The following ANKS1B variants were observed in gnomAD, a reference collection of about 807,000 sequenced individuals.
ANKS1B encodes ankyrin repeat and sterile alpha motif domain-containing protein 1B.
Under a neutral mutation model 148.3 loss-of-function variants are expected in ANKS1B, and 36 were observed. The ratio of observed to expected loss-of-function variants is 0.24; its 90% CI spans 0.19 to 0.32. The LOEUF is 0.32. Among genes scored for constraint, ANKS1B ranks in the 10% least tolerant of loss-of-function variants. The pLI is 1.00. For synonymous variants in ANKS1B, 542 were observed against 560.8 expected (o/e 0.97, Z 0.47); for missense variants, 1,157 against 1,542.6 (o/e 0.75, Z 4.19).
intron 1 of ANKS1B, among the ~76,000 whole-genome samples, chr12:99,940,027 A>G (rs1421719335): frequency 6.6e-6 from 1 of 152,232 alleles, no homozygotes; most frequent in Non-Finnish European, 1.5e-5. Flanking sequence ...ATTTAGGTAG[A>G]CAAAATATTC....
rs1463410 is a variant in ANKS1B at position 98,942,535 on chromosome 12, C to T, written c.2779-110399G>A. ...CCTCCTGCCAAGTCTAGGTTAGGTT[C>T]CCCTCAGCAGAATGTCCTTCTCTGT... is the stretch of plus-strand genomic sequence containing the variant. On this transcript the variant is annotated intron_variant, in intron 17 of 26. Transcript: ENST00000683438. Among the ~76,000 whole-genome samples the T allele has an allele frequency of 2.6e-3, 392 of 152,308 alleles. 2 individuals are homozygous for T. Among genetic ancestry groups the T allele is most frequent in the African/African-American group, 8.9e-3 (370 of 41,574 alleles).
At chr12:99,801,545 G>C (rs2066952493) in intron 4 of ANKS1B, among the ~76,000 whole-genome samples, 2 of 152,130 alleles carry the variant, frequency 1.3e-5, no homozygotes, top group Non-Finnish European at 2.9e-5. Context: ...AGTTAGAGTG[G>C]CCTCAAGAGA....
intron 1 of ANKS1B, among the ~76,000 whole-genome samples, chr12:99,865,556 A>G (rs916219232): frequency 2.0e-5 from 3 of 152,214 alleles, no homozygotes; most frequent in African/African-American, 4.8e-5. Flanking sequence ...ACTAGAAGCC[A>G]AGTAAAAGCT....
intron 12 of ANKS1B, among the ~76,000 whole-genome samples, chr12:99,379,106 C>T (rs191827959): frequency 1.3e-5 from 2 of 152,054 alleles, no homozygotes; most frequent in African/African-American, 2.4e-5. Flanking sequence ...TGCAAAAGGA[C>T]CTAACTTAAT....
intron 9 of ANKS1B, among the ~76,000 whole-genome samples, chr12:99,550,478 G>A (rs2097207790): frequency 6.6e-6 from 1 of 152,040 alleles, no homozygotes; most frequent in African/African-American, 2.4e-5. Context: ...ATACAAGTTA[G>A]CTGGGCATGG....
At chr12:98,863,360 T>C (rs928806877) in intron 17 of ANKS1B, among the ~76,000 whole-genome samples, 9 of 152,170 alleles carry the variant, frequency 5.9e-5, no homozygotes, top group African/African-American at 2.2e-4. Flanking sequence ...AGGCAATGAA[T>C]GGGAGACGCC....
rs543841769 is a variant in ANKS1B, at chr12:99,169,237, A to C, written c.2420-14842T>G. Among the ~76,000 whole-genome samples, 210 of 152,320 alleles carry C rather than the reference A, an allele frequency of 1.4e-3. 2 individuals are homozygous for C. The highest frequency in any genetic ancestry group is 4.9e-3 in the African/African-American group (205 of 41,576). On this transcript the variant is annotated intron_variant, in intron 14 of 26. Transcript: ENST00000683438. ...ATGAGAGAAATTAAAACTTAGAGAC[A>C]TGACTTCCTATTGTGACCACATAGA... is the stretch of plus-strand genomic sequence containing the variant.
chr12:99,162,681 T>C (rs1185267517), intron 14 of ANKS1B, among the ~76,000 whole-genome samples: 1 of 152,148 alleles, frequency 6.6e-6, no homozygotes, highest in Non-Finnish European at 1.5e-5. Context: ...TATACGTATA[T>C]GGGAGAGTAT....
At chr12:98,742,864 G>T (rs2097812288), downstream of ANKS1B, among the ~76,000 whole-genome samples, 1 of 152,324 alleles carries the variant, frequency 6.6e-6, no homozygotes. Flanking sequence ...CTGGAATATG[G>T]GGTGGGCCAG....
At chr12:99,388,411 T>C (rs1183076184) in intron 12 of ANKS1B, among the ~76,000 whole-genome samples, 1 of 152,118 alleles carries the variant, frequency 6.6e-6, no homozygotes, top group African/African-American at 2.4e-5. Context: ...AAGGTGACAG[T>C]TTTAAAATCC....
chr12:99,609,503 T>C lies in ANKS1B; in HGVS notation c.1272+45564A>G, dbSNP rs1019710588. Among the ~76,000 whole-genome samples, 120 of 150,766 alleles carry C rather than the reference T, an allele frequency of 8.0e-4. 4 individuals carry two copies. The highest frequency in any genetic ancestry group is 1.8e-4 in the Non-Finnish European group (12 of 67,820). On this transcript the variant is annotated intron_variant, in intron 9 of 26. Coordinates refer to ENST00000683438, the MANE Select transcript of ANKS1B (RefSeq NM_001352186.2). ...TTGCTACCACAGGACCAAGCAATGA[T>C]GGTGGAGATGACAAAAGCCCCTTTG...
At chr12:99,720,381 CTTCT>C (rs1467958245) in intron 8 of ANKS1B, among the ~76,000 whole-genome samples, 1 of 152,196 alleles carries the variant, frequency 6.6e-6, no homozygotes, top group African/African-American at 2.4e-5. Context: ...CATTTCTTTC[CTTCT>C]GTCAGACATA....
At chr12:99,632,861 T>C (rs2098185246) in intron 9 of ANKS1B, among the ~76,000 whole-genome samples, 2 of 146,878 alleles carry the variant, frequency 1.4e-5, no homozygotes, top group African/African-American at 5.0e-5. Flanking sequence ...CTGCACCCAG[T>C]AACTCGTCAT....
chr12:99,827,843 TAAA>T lies in ANKS1B; in HGVS notation c.135-2457_135-2455del, dbSNP rs551361591. ...TTAGTGAAACAATTTGGCAGTTTCT[TAAA>T]AAGTTATATACAAATACCACACATA... On this transcript the variant is annotated intron_variant, in intron 1 of 26. Coordinates refer to ENST00000683438, the MANE Select transcript of ANKS1B (RefSeq NM_001352186.2). Among the ~76,000 whole-genome samples the T allele has an allele frequency of 1.5e-3, 233 of 152,306 alleles. 1 individual carries two copies. The highest frequency in any genetic ancestry group is 3.1e-3 in the Admixed American group (47 of 15,298).
intron 1 of ANKS1B, among the ~76,000 whole-genome samples, chr12:99,841,389 T>C (rs2085723094): frequency 6.6e-6 from 1 of 152,048 alleles, no homozygotes; most frequent in Non-Finnish European, 1.5e-5. Context: ...TTATGGTGTA[T>C]TTTTTTAATA....
intron 9 of ANKS1B, among the ~76,000 whole-genome samples, chr12:99,616,890 C>T (rs1371302784): frequency 6.6e-6 from 1 of 152,008 alleles, no homozygotes; most frequent in African/African-American, 2.4e-5. Context: ...GCAATCTATC[C>T]ATCTGACAAG....
intron 9 of ANKS1B, among the ~76,000 whole-genome samples, chr12:99,633,819 G>A (rs1232628173): frequency 3.3e-5 from 5 of 152,116 alleles, no homozygotes; most frequent in East Asian, 1.9e-4. Flanking sequence ...ACAAGTGGGC[G>A]AAGGATATGA....
intron 17 of ANKS1B, among the ~76,000 whole-genome samples, chr12:98,879,660 G>A (rs567507965): frequency 2.0e-5 from 3 of 151,598 alleles, no homozygotes; most frequent in South Asian, 2.1e-4. Context: ...AGAAACCTTC[G>A]TTGAAAATTC....
chr12:98,998,051 G>C (rs1365454158), intron 17 of ANKS1B, among the ~76,000 whole-genome samples: 6 of 152,128 alleles, frequency 3.9e-5, no homozygotes, highest in Non-Finnish European at 5.9e-5. Flanking sequence ...TATTTGTCTG[G>C]TGTTCCATGT....
Sources: gnomAD v4.1 joint callset for allele counts (sites outside exome capture counted in the v4.1 genomes callset) on GRCh38, gnomAD v4.1.1 for gene constraint, MANE v1.5 for transcripts, NCBI Gene and HGNC (gene_info 2026-07-23, HGNC 2026-07-21) for gene names.